ARHGAP25: variants seen among roughly 807,000 people sequenced by gnomAD.
The protein encoded by ARHGAP25 is rho GTPase-activating protein 25.
ARHGAP25 carries 34 observed loss-of-function variants against 71.0 expected under a neutral mutation model. The observed-to-expected ratio is 0.48, with a 90% confidence interval of 0.36 to 0.64. The LOEUF is 0.64. Among genes scored for constraint, ARHGAP25 ranks in the 30% least tolerant of loss-of-function variants. The probability of loss-of-function intolerance (pLI) is 0.00; values close to 1 mark genes in which losing one functional copy is unlikely to be tolerated. For missense variants in ARHGAP25, 706 were observed against 805.1 expected, an observed-to-expected ratio of 0.88 and a Z score of 1.49; for synonymous variants, 282 against 296.5, an observed-to-expected ratio of 0.95 and a Z score of 0.50.
chr2:68,797,620 C>T (rs1280149086), intron 4 of ARHGAP25, among the ~76,000 whole-genome samples: 2 of 152,202 alleles, frequency 1.3e-5, no homozygotes, highest in Non-Finnish European at 2.9e-5. Context: ...GTTCATCCCC[C>T]GCTCAAGCCC....
At chr2:68,714,244 T>G (rs2104247173) in intron 2 of ARHGAP25, among the ~76,000 whole-genome samples, 1 of 152,342 alleles carries the variant, frequency 6.6e-6, no homozygotes, top group African/African-American at 2.4e-5. Context: ...TTTATCCATT[T>G]CTTCTAGATT....
intron 1 of ARHGAP25, among the ~76,000 whole-genome samples, chr2:68,760,092 TATG>T (rs1169742987): frequency 6.6e-6 from 1 of 152,032 alleles, no homozygotes; most frequent in Non-Finnish European, 1.5e-5. Context: ...GGGAAAAACA[TATG>T]ATCATCTCAA....
chr2:68,734,168 C>T (rs1675100924), upstream of ARHGAP25, among the ~76,000 whole-genome samples: 1 of 152,182 alleles, frequency 6.6e-6, no homozygotes, highest in Admixed American at 6.5e-5. Context: ...TCTGCAAAAA[C>T]CCTTTGAGTT....
intron 5 of ARHGAP25, among the ~76,000 whole-genome samples, chr2:68,810,619 A>C (rs1031208132): frequency 6.6e-6 from 1 of 152,038 alleles, no homozygotes; most frequent in South Asian, 2.1e-4. Context: ...TTTTCTAATG[A>C]TGGATGCTTT....
chr2:68,773,325 T>A (rs2104369438), intron 1 of ARHGAP25, among the ~76,000 whole-genome samples: 1 of 152,256 alleles, frequency 6.6e-6, no homozygotes, highest in South Asian at 2.1e-4. Flanking sequence ...AATAAGAGAA[T>A]CAGAAAGAAT....
At chr2:68,722,934 G>A (rs1018293415) in intron 2 of ARHGAP25, among the ~76,000 whole-genome samples, 2 of 152,202 alleles carry the variant, frequency 1.3e-5, no homozygotes, top group African/African-American at 2.4e-5. Flanking sequence ...GGTGCGCTAG[G>A]TCTGGAGTTC....
intron 5 of ARHGAP25, among the ~76,000 whole-genome samples, chr2:68,810,546 TTTTG>T (rs1309839848): frequency 1.3e-5 from 2 of 152,208 alleles, no homozygotes; most frequent in East Asian, 3.8e-4. Context: ...ATATAGCTAA[TTTTG>T]CTCTTTTATT....
chr2:68,732,557 C>T (rs1399899338), upstream of ARHGAP25, among the ~76,000 whole-genome samples: 3 of 152,200 alleles, frequency 2.0e-5, no homozygotes, highest in Non-Finnish European at 4.4e-5. Context: ...TCAAGTTCAG[C>T]GGAATCCAGC....
At chr2:68,806,410 C>T (rs1325774648) in intron 4 of ARHGAP25, among the ~76,000 whole-genome samples, 1 of 152,206 alleles carries the variant, frequency 6.6e-6, no homozygotes, top group Non-Finnish European at 1.5e-5. Context: ...TGATAGACTA[C>T]AGTAGTCCCT....
chr2:68,754,364 G>A (rs1676357327), intron 1 of ARHGAP25, among the ~76,000 whole-genome samples: 1 of 152,080 alleles, frequency 6.6e-6, no homozygotes, highest in East Asian at 1.9e-4. Flanking sequence ...GTTTTTTGAA[G>A]CCTGGTTGCT....
Position 68,798,172 on chromosome 2 carries a change from A to G in ARHGAP25, c.467-9101A>G, listed in dbSNP as rs1679708783. The stretch of plus-strand genomic sequence containing the variant: ...GGAAGCATACTGTATGTAAATATTG[A>G]ATTGTTATATACCTTGGATTTCTTT... On this transcript the variant is annotated intron_variant, in intron 4 of 10. Transcript: ENST00000409202. 2.6e-5 allele frequency among the ~76,000 whole-genome samples: 4 copies of G among 152,122 alleles called. No individual in the cohort carries two copies. In the South Asian group the frequency reaches 8.3e-4, roughly 31 times the overall value.
chr2:68,813,362 G>A lies in ARHGAP25; in HGVS notation c.750G>A (p.Trp250Ter). 6.2e-7 allele frequency: 1 copy of A among 1,613,684 alleles called. No homozygotes were observed. The highest frequency in any genetic ancestry group is 8.5e-7 in the Non-Finnish European group (1 of 1,179,928). The change falls in exon 6 of 11, where the codon TGG becomes TGA. Residue 250 changes from tryptophan to a stop codon, truncating the protein, a stop_gained. Transcript: ENST00000409202. LOFTEE classifies it high-confidence loss of function. Reference protein sequence around the residue: ...LRDLPEPVVPWSQYEGFLLCG... With the variant: ...LRDLPEPVVP ...ACCTCCCAGAGCCCGTGGTTCCCTG[G>A]AGCCAGTACGAAGGGTTCCTGCTCT...
chr2:68,822,131 G>A (rs1326175541), intron 9 of ARHGAP25, among the ~76,000 whole-genome samples: 9 of 152,028 alleles, frequency 5.9e-5, no homozygotes, highest in Non-Finnish European at 4.4e-5. Flanking sequence ...TGATTTTGGT[G>A]AGACTTCATC....
chr2:68,805,136 A>AG, intron 4 of ARHGAP25, among the ~76,000 whole-genome samples: 1 of 152,128 alleles, frequency 6.6e-6, no homozygotes, highest in Admixed American at 6.5e-5. Context: ...TGGTGCAGCC[A>AG]GGGAAGGGGG....
chr2:68,795,130 A>G (rs1679450788), intron 4 of ARHGAP25, among the ~76,000 whole-genome samples: 1 of 150,816 alleles, frequency 6.6e-6, no homozygotes, highest in Non-Finnish European at 1.5e-5. Context: ...CTCCTTTTTC[A>G]TTTCTGATTT....
intron 2 of ARHGAP25, among the ~76,000 whole-genome samples, chr2:68,711,214 C>T (rs1335637258): frequency 6.6e-6 from 1 of 152,162 alleles, no homozygotes; most frequent in African/African-American, 2.4e-5. Context: ...CCTTCATGAA[C>T]ATCCATGGTG....
chr2:68,764,990 T>C (rs1275073613), intron 1 of ARHGAP25, among the ~76,000 whole-genome samples: 1 of 152,186 alleles, frequency 6.6e-6, no homozygotes, highest in Non-Finnish European at 1.5e-5. Context: ...AAATGGAAGC[T>C]CTTGCCATGA....
At chr2:68,761,219 C>A (rs1450079641) in intron 1 of ARHGAP25, among the ~76,000 whole-genome samples, 2 of 151,908 alleles carry the variant, frequency 1.3e-5, no homozygotes, top group Non-Finnish European at 2.9e-5. Flanking sequence ...TTACCTAATA[C>A]CATATACAAA....
chr2:68,816,902 G>T (rs1246809071), intron 7 of ARHGAP25: 2 of 152,488 alleles, frequency 1.3e-5, no homozygotes, highest in African/African-American at 2.4e-5. Flanking sequence ...AGTCATGCTT[G>T]CTTGACTTGG....
Sources: gnomAD v4.1 joint callset for allele counts (sites outside exome capture counted in the v4.1 genomes callset) on GRCh38, gnomAD v4.1.1 for gene constraint, MANE v1.5 for transcripts, NCBI Gene and HGNC (gene_info 2026-07-23, HGNC 2026-07-21) for gene names.